CACNA1B: variants seen among roughly 807,000 people sequenced by gnomAD.
CACNA1B encodes calcium voltage-gated channel subunit alpha1 B.
Under a neutral mutation model 247.2 loss-of-function variants are expected in CACNA1B, and 70 were observed. That is an observed-to-expected ratio of 0.28 (90% CI 0.23 to 0.35). The LOEUF (loss-of-function observed/expected upper bound fraction) is 0.35. CACNA1B is among the 10% of genes least tolerant of loss of function. The pLI is 1.00. For synonymous variants in CACNA1B, 1,231 were observed against 1,294.4 expected (o/e 0.95, Z 1.05); for missense variants, 2,367 against 3,197.4 (o/e 0.74, Z 6.26).
chr9:137,971,643 A>T lies in CACNA1B; in HGVS notation c.1543+51A>T. The T allele has an allele frequency of 6.7e-7, 1 of 1,503,316 alleles. No homozygotes were observed. The highest frequency in any genetic ancestry group is 9.1e-7 in the Non-Finnish European group (1 of 1,093,330). The allele number at this position is 1,503,316 out of a possible 1,614,324, so 93.1% of individuals were successfully genotyped here. A position where few individuals can be genotyped will look rare whatever the true frequency, so the allele number is the denominator to read the frequency against. On this transcript the variant is annotated intron_variant, in intron 11 of 46. Coordinates refer to ENST00000371372, the MANE Select transcript of CACNA1B (RefSeq NM_000718.4). This position sits in a 1 kb window ranked among gnomAD's most constrained non-coding sequence, Gnocchi z 4.4. The stretch of plus-strand genomic sequence containing the variant: ...GTGCTTCCTGAGCATCTCTGCTCTC[A>T]GTCTGGAAACCCTGGTCCATGCCCT...
intron 39 of CACNA1B, among the ~76,000 whole-genome samples, chr9:138,111,697 C>T (rs1961637690): frequency 6.6e-6 from 1 of 152,216 alleles, no homozygotes; most frequent in South Asian, 2.1e-4. Context: ...TTCCTCTGCT[C>T]AAAACCCTCC....
chr9:137,881,444 A>C lies in CACNA1B; in HGVS notation c.391-1300A>C, dbSNP rs1588973042. Among the ~76,000 whole-genome samples the C allele has an allele frequency of 6.6e-6, 1 of 152,036 alleles. No homozygotes were observed. The highest frequency in any genetic ancestry group is 2.4e-5 in the African/African-American group (1 of 41,400). ...AGGCACAGGCTGTGGAACTGGTGGCACTCACCTCACCTGGCAGCTCTGTGG... is the reference window on the plus strand; with the variant it reads ...AGGCACAGGCTGTGGAACTGGTGGCCCTCACCTCACCTGGCAGCTCTGTGG... On this transcript the variant is annotated intron_variant, in intron 2 of 46. Coordinates refer to ENST00000371372, the MANE Select transcript of CACNA1B (RefSeq NM_000718.4). The surrounding 1 kb of genome is among the most constrained non-coding windows in gnomAD (Gnocchi z 4.3).
intron 36 of CACNA1B, among the ~76,000 whole-genome samples, chr9:138,093,295 C>G (rs142754943): frequency 6.7e-6 from 1 of 148,498 alleles, no homozygotes; most frequent in Non-Finnish European, 1.5e-5. Flanking sequence ...TGGTACATGT[C>G]TAATCCCAGC....
intron 3 of CACNA1B, among the ~76,000 whole-genome samples, chr9:137,906,950 A>C (rs1360776565): frequency 6.6e-6 from 1 of 152,228 alleles, no homozygotes. Flanking sequence ...AAAATATTAC[A>C]GATGTGGTTG....
chr9:138,030,901 C>T (rs1958980158), intron 20 of CACNA1B, among the ~76,000 whole-genome samples: 2 of 152,038 alleles, frequency 1.3e-5, no homozygotes, highest in Admixed American at 1.3e-4. Flanking sequence ...ACTTGTGTCT[C>T]ATTTCTTATA....
chr9:137,895,076 T>A (rs140299205), intron 3 of CACNA1B, among the ~76,000 whole-genome samples: 1 of 152,238 alleles, frequency 6.6e-6, no homozygotes, highest in East Asian at 1.9e-4. Context: ...GGGTGTCCAG[T>A]GGCACCAGCA....
At position 137,919,738 on chromosome 9, in the gene CACNA1B, G is replaced by A. The variant is rs915543581; in HGVS notation, c.966+2307G>A. ...GGCAGAGAGATGGAAAGCTCAGTCC[G>A]TGTTGGGAGCAGGAGTGGGGGTGTG... On this transcript the variant is annotated intron_variant, in intron 6 of 46. Coordinates refer to ENST00000371372, the MANE Select transcript of CACNA1B (RefSeq NM_000718.4). This position sits in a 1 kb window ranked among gnomAD's most constrained non-coding sequence, Gnocchi z 4.6. Among the ~76,000 whole-genome samples, 4 of 152,228 alleles carry A rather than the reference G, an allele frequency of 2.6e-5. No homozygotes were observed. Among genetic ancestry groups the A allele is most frequent in the South Asian group, 2.1e-4 (1 of 4,830 alleles).
chr9:137,960,042 T>A (rs1481157669), intron 10 of CACNA1B, among the ~76,000 whole-genome samples: 2 of 148,306 alleles, frequency 1.3e-5, no homozygotes, highest in African/African-American at 2.5e-5. Flanking sequence ...TGAGGACGCC[T>A]GAGGGACGCC....
chr9:137,993,285 G>C (rs1958454931), intron 15 of CACNA1B, among the ~76,000 whole-genome samples: 1 of 151,674 alleles, frequency 6.6e-6, no homozygotes, highest in Non-Finnish European at 1.5e-5. Context: ...AATTTTTTTA[G>C]TTAAAATTTT....
intron 39 of CACNA1B, 50 bp from the exon 40 acceptor site, chr9:138,112,348 G>A: frequency 7.2e-7 from 1 of 1,389,074 alleles, no homozygotes; most frequent in Non-Finnish European, 1.0e-6. Flanking sequence ...CTGCAGGGCT[G>A]CTCCTAACAT....
At position 137,891,684 on chromosome 9, in the gene CACNA1B, T is replaced by A; in HGVS notation, c.530+8801T>A. On this transcript the variant is annotated intron_variant, in intron 3 of 46. Coordinates refer to ENST00000371372, the MANE Select transcript of CACNA1B (RefSeq NM_000718.4). This position sits in a 1 kb window ranked among gnomAD's most constrained non-coding sequence, Gnocchi z 4.3. The stretch of plus-strand genomic sequence containing the variant: ...CAGATTCACACTGAGGTGAGGATGG[T>A]TGCTAATGGCTTCTCGGGCCCTGGA... 1 of 248,818 alleles carries A rather than the reference T, an allele frequency of 4.0e-6. No homozygotes were observed. Among genetic ancestry groups the A allele is most frequent in the Admixed American group, 5.2e-5 (1 of 19,146 alleles). The allele number at this position is 248,818 out of a possible 1,614,324, so 15.4% of individuals were successfully genotyped here.
At chr9:137,895,476 G>A (rs960860629) in intron 3 of CACNA1B, among the ~76,000 whole-genome samples, 2 of 152,116 alleles carry the variant, frequency 1.3e-5, no homozygotes, top group African/African-American at 4.8e-5. Context: ...TCCAATCTAG[G>A]AACATGGTAT....
chr9:138,028,559 C>G (rs1958950144), intron 20 of CACNA1B, among the ~76,000 whole-genome samples: 1 of 152,292 alleles, frequency 6.6e-6, no homozygotes, highest in East Asian at 1.9e-4. Flanking sequence ...CCATACGATT[C>G]CCATAACTTA....
At chr9:137,886,268 C>T (rs1198080948) in intron 3 of CACNA1B, among the ~76,000 whole-genome samples, 6 of 151,248 alleles carry the variant, frequency 4.0e-5, no homozygotes, top group Non-Finnish European at 7.4e-5. Context: ...GACATGGGGG[C>T]CTCCAGCAGT....
intron 20 of CACNA1B, among the ~76,000 whole-genome samples, chr9:138,029,132 C>T (rs1958957075): frequency 6.6e-6 from 1 of 152,170 alleles, no homozygotes; most frequent in Admixed American, 6.5e-5. Context: ...GTCAACAACA[C>T]TGTAATGAAA....
rs944421727 is a variant in CACNA1B at position 137,990,454 on chromosome 9, G to C, written c.1974+3600G>C. 6.6e-6 allele frequency among the ~76,000 whole-genome samples: 1 copy of C among 152,118 alleles called. No individual in the cohort carries two copies. The highest frequency in any genetic ancestry group is 2.1e-4 in the South Asian group (1 of 4,822). On this transcript the variant is annotated intron_variant, in intron 15 of 46. Transcript: ENST00000371372. This position sits in a 1 kb window ranked among gnomAD's most constrained non-coding sequence, Gnocchi z 4.5. ...CCTGAGAAACCTGAATACTTAATTA[G>C]GCTACCTTAGGGCAAGTTTGCATCC...
chr9:138,059,241 C>A lies in CACNA1B; in HGVS notation c.4584+52C>A. ...TTTTGACAACCTATATTCTGGTTCC[C>A]CATCTGTAGGGCGACCTTTGGGGGC... is the stretch of plus-strand genomic sequence containing the variant. On this transcript the variant is annotated intron_variant, in intron 30 of 46. Coordinates refer to ENST00000371372, the MANE Select transcript of CACNA1B (RefSeq NM_000718.4). The surrounding 1 kb of genome is among the most constrained non-coding windows in gnomAD (Gnocchi z 4.2). The A allele has an allele frequency of 9.1e-7, 1 of 1,099,226 alleles. No homozygotes were observed. Among genetic ancestry groups the A allele is most frequent in the South Asian group, 1.3e-5 (1 of 77,098 alleles). The allele number at this position is 1,099,226 out of a possible 1,614,324, so 68.1% of individuals were successfully genotyped here. A position where few individuals can be genotyped will look rare whatever the true frequency, so the allele number is the denominator to read the frequency against.
intron 15 of CACNA1B, among the ~76,000 whole-genome samples, chr9:137,991,525 T>A (rs1439499706): frequency 6.6e-6 from 1 of 152,202 alleles, no homozygotes; most frequent in Non-Finnish European, 1.5e-5. Context: ...AAAACTTACC[T>A]AGCCTTGCTA....
rs1425826042 is a variant in CACNA1B at position 138,051,622 on chromosome 9, C to T, written c.3711-470C>T. Among the ~76,000 whole-genome samples, 1 of 151,968 alleles carries T rather than the reference C, an allele frequency of 6.6e-6. No homozygotes were observed. The highest frequency in any genetic ancestry group is 2.4e-5 in the African/African-American group (1 of 41,360). On this transcript the variant is annotated intron_variant, in intron 24 of 46. Transcript: ENST00000371372. The surrounding 1 kb of genome is among the most constrained non-coding windows in gnomAD (Gnocchi z 4.3). ...CACGTCAGCGGGAGGAATGTTAGGA[C>T]GGCTGAGGAGATCTGTAGGGCAGAG...
Sources: allele counts gnomAD v4.1 joint callset (sites outside exome capture counted in the v4.1 genomes callset), GRCh38; gene constraint gnomAD v4.1.1; non-coding constraint Gnocchi (gnomAD v3.1); transcripts MANE v1.5; gene names NCBI Gene and HGNC (gene_info 2026-07-23, HGNC 2026-07-21).